Variants in RGS12 observed in about 807,000 individuals in gnomAD.
RGS12 encodes the protein regulator of G protein signaling 12.
A neutral mutation model predicts 120.1 loss-of-function variants in RGS12; 66 were observed. The ratio of observed to expected loss-of-function variants is 0.55; its 90% CI spans 0.45 to 0.67. The LOEUF is 0.67. Ranked by LOEUF, RGS12 falls within the 30% of genes least tolerant of loss-of-function variation. The pLI, the probability that RGS12 is intolerant of heterozygous loss-of-function variation, is 0.00. For synonymous variants in RGS12, 827 were observed against 804.7 expected (o/e 1.03, Z -0.47); for missense variants, 1,859 against 1,957.7 (o/e 0.95, Z 0.95).
chr4:3,371,531 T>C (rs1716985879), intron 3 of RGS12, among the ~76,000 whole-genome samples: 1 of 152,246 alleles, frequency 6.6e-6, no homozygotes, highest in South Asian at 2.1e-4. Context: ...TTACATGATT[T>C]GGACTTCCTT....
intron 1 of RGS12, among the ~76,000 whole-genome samples, chr4:3,298,198 T>C (rs1723485644): frequency 6.6e-6 from 1 of 152,244 alleles, no homozygotes; most frequent in Non-Finnish European, 1.5e-5. Context: ...CCGTGGGCCC[T>C]TTCAGTCTGA....
upstream of RGS12, among the ~76,000 whole-genome samples, chr4:3,292,215 G>A (rs1723060334): frequency 6.6e-6 from 1 of 152,208 alleles, no homozygotes; most frequent in Non-Finnish European, 1.5e-5. Flanking sequence ...AGAGGGCGAG[G>A]AAGGAACTCC....
intron 4 of RGS12, among the ~76,000 whole-genome samples, chr4:3,388,561 C>T (rs1332942064): frequency 6.6e-6 from 1 of 152,288 alleles, no homozygotes; most frequent in East Asian, 1.9e-4. Context: ...TGAGAGGCCC[C>T]TCCACCCTGG....
At chr4:3,388,220 AG>A in intron 4 of RGS12, among the ~76,000 whole-genome samples, 1 of 6,228 alleles carries the variant, frequency 1.6e-4, no homozygotes, top group East Asian at 0.062. Flanking sequence ...AGGGAGGAGG[AG>A]ACGGGAGGGA....
Position 3,398,322 on chromosome 4 carries a change from A to T in RGS12, c.2020+11885A>T, listed in dbSNP as rs540924502. On this transcript the variant is annotated intron_variant, in intron 4 of 17. Transcript: ENST00000336727. Reference sequence around the variant, plus strand: ...TGATTGTTAAAAACCCAATTTTAAAATAAGCGATGTTGAACCAGGCACGGT... The same window carrying T: ...TGATTGTTAAAAACCCAATTTTAAATTAAGCGATGTTGAACCAGGCACGGT... Among the ~76,000 whole-genome samples the T allele has an allele frequency of 2.6e-5, 4 of 152,340 alleles. No homozygotes were observed. In the East Asian group the frequency reaches 7.7e-4, roughly 29 times the overall value.
chr4:3,303,018 G>C (rs1337503539), intron 1 of RGS12, among the ~76,000 whole-genome samples: 3 of 152,210 alleles, frequency 2.0e-5, no homozygotes, highest in Non-Finnish European at 4.4e-5. Flanking sequence ...AGCTGCTGCA[G>C]AAGCCACGAG....
intron 4 of RGS12, among the ~76,000 whole-genome samples, chr4:3,412,609 G>T (rs1251289820): frequency 2.0e-5 from 3 of 152,264 alleles, no homozygotes. Context: ...CAGGAGGCTG[G>T]TGAAGGGGCA....
intron 4 of RGS12, among the ~76,000 whole-genome samples, chr4:3,403,651 T>C (rs1190926179): frequency 6.6e-6 from 1 of 152,214 alleles, no homozygotes. Flanking sequence ...TGGCAGGCTT[T>C]TGTTGAGATG....
chr4:3,377,770 A>C (rs1717844588), intron 3 of RGS12, among the ~76,000 whole-genome samples: 1 of 152,226 alleles, frequency 6.6e-6, no homozygotes, highest in African/African-American at 2.4e-5. Context: ...AGTCCTTGTC[A>C]GCTGAGCTGC....
intron 3 of RGS12, 135 bp downstream of exon 3, chr4:3,343,188 T>C: frequency 1.6e-6 from 1 of 631,488 alleles, no homozygotes; most frequent in South Asian, 1.9e-5. Context: ...AACCCCTGTT[T>C]TCTGGGGGAC....
intron 1 of RGS12, among the ~76,000 whole-genome samples, chr4:3,301,399 C>G (rs1326663514): frequency 1.3e-5 from 2 of 152,232 alleles, no homozygotes; most frequent in South Asian, 4.1e-4. Context: ...TGGTGGAACC[C>G]TCTGTGTCTT....
upstream of RGS12, among the ~76,000 whole-genome samples, chr4:3,291,441 G>A (rs960093830): frequency 6.6e-6 from 1 of 150,960 alleles, no homozygotes; most frequent in African/African-American, 2.4e-5. Context: ...CCGCCTCCGG[G>A]GCTCAAGTGA....
intron 2 of RGS12, chr4:3,342,532 T>C (rs898670850): frequency 4.6e-6 from 6 of 1,292,890 alleles, no homozygotes; most frequent in Non-Finnish European, 6.1e-6. Flanking sequence ...GCTGAAAACC[T>C]GCCTTCATCT....
At chr4:3,327,913 C>A (rs896401067) in intron 2 of RGS12, among the ~76,000 whole-genome samples, 2 of 152,174 alleles carry the variant, frequency 1.3e-5, no homozygotes, top group African/African-American at 4.8e-5. Context: ...GAAAAGAAAT[C>A]ATTATATCAA....
chr4:3,412,206 T>C (rs926500535), intron 4 of RGS12, among the ~76,000 whole-genome samples: 11 of 152,266 alleles, frequency 7.2e-5, no homozygotes, highest in African/African-American at 2.7e-4. Flanking sequence ...GCGTAGCCTC[T>C]GGCTGCCATG....
intron 3 of RGS12, among the ~76,000 whole-genome samples, chr4:3,348,525 C>T (rs146121720): frequency 3.9e-5 from 6 of 152,236 alleles, no homozygotes; most frequent in South Asian, 2.1e-4. Flanking sequence ...TCCAGTATTA[C>T]GAGTGCGCAC....
rs1385673729 is a variant in RGS12 at position 3,414,932 on chromosome 4, TGA to T, written c.2283+90_2283+91del. 3.3e-5 allele frequency: 30 copies of T among 896,536 alleles called. 1 individual carries two copies. The allele number at this position is 896,536 out of a possible 1,614,324, so 55.5% of individuals were successfully genotyped here. On this transcript the variant is annotated intron_variant, in intron 6 of 17. Transcript: ENST00000336727. The stretch of plus-strand genomic sequence containing the variant: ...GGGGTGTGTGAGAGGGCCACGTGTG[TGA>T]GGGGCATGTGAGGGGTGTGTGTGAG...
At chr4:3,425,083 G>C (rs1225104704) in intron 13 of RGS12, among the ~76,000 whole-genome samples, 1 of 152,188 alleles carries the variant, frequency 6.6e-6, no homozygotes, top group East Asian at 1.9e-4. Flanking sequence ...CCTCAAACCT[G>C]GTCCTAAAGT....
In RGS12 at chr4:3,423,618, C is replaced by T. The variant is rs1228336826; in HGVS notation, c.3211C>T (p.Leu1071Phe). The T allele has an allele frequency of 1.9e-6, 3 of 1,610,132 alleles. No individual in the cohort carries two copies. The Admixed American group carries it at 5.0e-5, about 27-fold the overall frequency. The change falls in exon 13 of 18, where the codon CTC becomes TTC. Residue 1071 changes from leucine (L) to phenylalanine (F), a missense_variant. This residue lies in a region of RGS12 where 375 missense variants were observed against 475.0 expected (regional missense o/e 0.79). Transcript: ENST00000336727. ...RPVVARYGLD[L>F]SGLLVRLSGE... ...CGTGGTGGCCAGATACGGCCTGGAC[C>T]TCAGTGGCCTGCTGGTGAGGCTGGT...
Sources: allele counts gnomAD v4.1 joint callset (sites outside exome capture counted in the v4.1 genomes callset), GRCh38; gene constraint gnomAD v4.1.1; regional missense constraint gnomAD v4.1.1; transcripts MANE v1.5; gene names NCBI Gene and HGNC (gene_info 2026-07-23, HGNC 2026-07-21).